Variants in NTRK3 observed in about 807,000 individuals in gnomAD.
NTRK3 encodes neurotrophic receptor tyrosine kinase 3.
Under a neutral mutation model 91.7 loss-of-function variants are expected in NTRK3, and 24 were observed. The ratio of observed to expected loss-of-function variants is 0.26; its 90% CI spans 0.19 to 0.37. NTRK3 has a LOEUF of 0.37. NTRK3 is among the 10% of genes least tolerant of loss of function. NTRK3 has a pLI of 1.00. For synonymous variants in NTRK3, 483 were observed against 404.0 expected (o/e 1.20, Z -2.34); for missense variants, 880 against 1,068.9 (o/e 0.82, Z 2.46).
At chr15:88,079,742 T>C (rs1251172558) in intron 13 of NTRK3, among the ~76,000 whole-genome samples, 2 of 152,172 alleles carry the variant, frequency 1.3e-5, no homozygotes, top group Non-Finnish European at 2.9e-5. Context: ...CAATACATTA[T>C]GAATAAAAAA....
chr15:87,882,143 A>G (rs1205500838), intron 17 of NTRK3, among the ~76,000 whole-genome samples: 10 of 150,364 alleles, frequency 6.7e-5, no homozygotes, highest in Admixed American at 2.6e-4. Context: ...TTATACACCC[A>G]CCTTGGCCTC....
chr15:87,894,846 T>G (rs1412585606), intron 17 of NTRK3, among the ~76,000 whole-genome samples: 2 of 152,174 alleles, frequency 1.3e-5, no homozygotes, highest in African/African-American at 4.8e-5. Flanking sequence ...CTCTCCTCAC[T>G]GTCTAAGACT....
chr15:87,995,769 G>A (rs571564176), intron 14 of NTRK3, among the ~76,000 whole-genome samples: 2 of 152,264 alleles, frequency 1.3e-5, no homozygotes, highest in South Asian at 2.1e-4. Flanking sequence ...CAGGCCATAC[G>A]GTCTCTGTTG....
At chr15:88,178,394 CTCT>C (rs1415238907) in intron 5 of NTRK3, among the ~76,000 whole-genome samples, 2 of 152,182 alleles carry the variant, frequency 1.3e-5, no homozygotes, top group African/African-American at 4.8e-5. Flanking sequence ...TCCTAGCCAC[CTCT>C]TCTTTTCCTA....
chr15:88,015,401 C>G (rs2077160913), intron 14 of NTRK3, among the ~76,000 whole-genome samples: 2 of 152,126 alleles, frequency 1.3e-5, no homozygotes, highest in Admixed American at 1.3e-4. Flanking sequence ...CCCCACCAAA[C>G]CCTGCCCCCT....
At chr15:87,980,572 C>T (rs1195676887) in intron 14 of NTRK3, among the ~76,000 whole-genome samples, 1 of 152,216 alleles carries the variant, frequency 6.6e-6, no homozygotes, top group East Asian at 1.9e-4. Flanking sequence ...TGAATATGTG[C>T]ACAGAGTAAG....
At chr15:88,023,864 G>A (rs1259300256) in intron 14 of NTRK3, among the ~76,000 whole-genome samples, 1 of 152,184 alleles carries the variant, frequency 6.6e-6, no homozygotes, top group African/African-American at 2.4e-5. Context: ...AGTAGCAGCT[G>A]CTGCTGTTGC....
intron 17 of NTRK3, among the ~76,000 whole-genome samples, chr15:87,895,675 C>G (rs8036063): frequency 0.69 from 104,732 of 151,572 alleles, 36,357 homozygotes; most frequent in Non-Finnish European, 0.73. Flanking sequence ...GCCAGGCACC[C>G]TTTTAGGTCT....
chr15:88,190,524 A>G (rs2047301692), intron 3 of NTRK3, among the ~76,000 whole-genome samples: 1 of 152,164 alleles, frequency 6.6e-6, no homozygotes, highest in Non-Finnish European at 1.5e-5. Flanking sequence ...TTCCTATTCC[A>G]ACGGTTATCG....
chr15:87,867,893 G>A (rs77605620), exon 19 of NTRK3: 5,081 of 227,570 alleles, frequency 0.022, 276 homozygotes, highest in African/African-American at 0.11. Flanking sequence ...TTTGTTTCTC[G>A]AAGAAAACCA....
chr15:88,061,719 G>A (rs1464807420), intron 13 of NTRK3, among the ~76,000 whole-genome samples: 2 of 152,340 alleles, frequency 1.3e-5, no homozygotes, highest in Non-Finnish European at 2.9e-5. Flanking sequence ...GGCTGGGCTG[G>A]TTCCAGGGCC....
chr15:88,250,452 G>A (rs1425648395), intron 3 of NTRK3, among the ~76,000 whole-genome samples: 2 of 152,320 alleles, frequency 1.3e-5, no homozygotes, highest in African/African-American at 2.4e-5. Flanking sequence ...GGGGGCATTC[G>A]TGGAGATGAA....
chr15:87,914,538 T>G (rs2067313318), intron 17 of NTRK3, among the ~76,000 whole-genome samples: 1 of 152,258 alleles, frequency 6.6e-6, no homozygotes, highest in African/African-American at 2.4e-5. Context: ...TATAGTATTA[T>G]GTATTTTTTA....
rs1051870174 is a variant in NTRK3, at chr15:88,106,413, G to T, written c.1396+19858C>A. Among the ~76,000 whole-genome samples the T allele has an allele frequency of 2.0e-5, 3 of 152,144 alleles. No individual in the cohort carries two copies. The South Asian group carries it at 6.2e-4, about 31-fold the overall frequency. On this transcript the variant is annotated intron_variant, in intron 13 of 18. Coordinates refer to ENST00000394480, the Ensembl canonical transcript of NTRK3. ...TTTGCCATGCAGCCTTGGGGCAAAT[G>T]GATTAGATTCTGAATTAACCAAGTG...
rs568883956 is a variant in NTRK3 at position 88,093,146 on chromosome 15, C to T, written c.1396+33125G>A. ...AAGGTAAAACCAAGTGTCATTTTTA[C>T]CTCAACGTAAACATGAATTTTTTTC... On this transcript the variant is annotated intron_variant, in intron 13 of 18. Transcript: ENST00000394480. 2.7e-5 allele frequency among the ~76,000 whole-genome samples: 4 copies of T among 148,166 alleles called. No individual in the cohort carries two copies. In the Middle Eastern group the frequency reaches 0.01, roughly 389 times the overall value.
At chr15:87,886,794 T>A (rs1200475748) in intron 17 of NTRK3, among the ~76,000 whole-genome samples, 1 of 146,058 alleles carries the variant, frequency 6.8e-6, no homozygotes, top group Non-Finnish European at 1.5e-5. Flanking sequence ...TTTGTGATAA[T>A]CATGTATCAC....
intron 13 of NTRK3, among the ~76,000 whole-genome samples, chr15:88,041,023 A>T (rs1234660353): frequency 6.6e-6 from 1 of 152,208 alleles, no homozygotes; most frequent in African/African-American, 2.4e-5. Flanking sequence ...GCGTCTTCAC[A>T]CCAAACTACC....
chr15:87,904,627 G>A (rs2066647082), intron 17 of NTRK3, among the ~76,000 whole-genome samples: 1 of 152,226 alleles, frequency 6.6e-6, no homozygotes, highest in Non-Finnish European at 1.5e-5. Context: ...GCAGACTTGT[G>A]TCTAAGGCAT....
intron 3 of NTRK3, among the ~76,000 whole-genome samples, chr15:88,187,829 G>A (rs1235467927): frequency 6.6e-6 from 1 of 151,776 alleles, no homozygotes; most frequent in Non-Finnish European, 1.5e-5. Flanking sequence ...AACTACTCAG[G>A]AGGCTGAGGC....
Sources: allele counts gnomAD v4.1 joint callset (sites outside exome capture counted in the v4.1 genomes callset), GRCh38; gene constraint gnomAD v4.1.1; transcripts MANE v1.5; gene names NCBI Gene and HGNC (gene_info 2026-07-23, HGNC 2026-07-21).